TGM5: variants seen among roughly 807,000 people sequenced by gnomAD.
TGM5 encodes protein-glutamine gamma-glutamyltransferase 5.
TGM5 carries 69 observed loss-of-function variants against 77.2 expected under a neutral mutation model. That is an observed-to-expected ratio of 0.89 (90% confidence interval 0.74 to 1.09). TGM5 has a LOEUF of 1.09. Ranked by LOEUF, TGM5 falls within the 50% of genes least tolerant of loss-of-function variation. The probability of loss-of-function intolerance (pLI) is 0.00; values close to 1 mark genes in which losing one functional copy is unlikely to be tolerated. For missense variants in TGM5, 842 were observed against 896.5 expected (o/e 0.94, Z 0.78); for synonymous variants, 346 against 351.8 (o/e 0.98, Z 0.18).
intron 10 of TGM5, 135 bp downstream of exon 10, chr15:43,235,334 G>T: frequency 8.5e-7 from 1 of 1,172,268 alleles, no homozygotes; most frequent in Non-Finnish European, 1.2e-6. Flanking sequence ...AAGAGGGAAG[G>T]AGGGGAATCG....
chr15:43,265,676 T>A (rs1490694887), intron 1 of TGM5, among the ~76,000 whole-genome samples: 1 of 152,226 alleles, frequency 6.6e-6, no homozygotes, highest in Non-Finnish European at 1.5e-5. Context: ...AAAGAACTTT[T>A]AAAGTAAGTG....
In TGM5 at chr15:43,238,846, T is replaced by G; in HGVS notation, c.1316A>C (p.Asp439Ala). The change falls in exon 9 of 13, where the codon GAC (aspartate) becomes GCC (alanine). Residue 439 changes from aspartate (D) to alanine (A), a missense_variant. Asp to Ala is a moderately radical substitution (Grantham distance 126). Transcript: ENST00000220420. ...TTCATACTTGTAGTTCTCTGTGATG[T>G]CATCCCGCTCGTCACTCTGGATGCT... ...TKSIQSDERD[D>A]ITENYKYEEG... The G allele has an allele frequency of 6.2e-7, 1 of 1,614,174 alleles. No homozygotes were observed. The highest frequency in any genetic ancestry group is 8.5e-7 in the Non-Finnish European group (1 of 1,180,024).
intron 3 of TGM5, among the ~76,000 whole-genome samples, chr15:43,257,438 A>G (rs146217339): frequency 9.2e-5 from 14 of 152,362 alleles, no homozygotes; most frequent in Admixed American, 2.6e-4. Context: ...GCCCATATGA[A>G]CAGAGGGTTT....
chr15:43,261,087 T>TTTTTTTG (rs2042785566), intron 1 of TGM5, among the ~76,000 whole-genome samples: 1 of 119,450 alleles, frequency 8.4e-6, no homozygotes, highest in African/African-American at 3.5e-5. Flanking sequence ...TTTTTTTTTT[T>TTTTTTTG]TTTTTTTTTT....
At position 43,260,159 on chromosome 15, in the gene TGM5, G is replaced by A. The variant is rs776412511; in HGVS notation, c.329C>T (p.Ala110Val). 4.3e-6 allele frequency: 7 copies of A among 1,614,134 alleles called. No homozygotes were observed. Among genetic ancestry groups the A allele is most frequent in the South Asian group, 3.3e-5 (3 of 91,088 alleles). Residue 110 changes from alanine to valine, a missense_variant, in exon 3 of 13, where the codon GCG (alanine) becomes GTG (valine). Transcript: ENST00000220420. ...TTTCAAGAGGTACCGACCCACGGCC[G>A]CCGTGGGAGGAGCGCACAAGCTCAC... The part of the protein sequence containing the change: ...TEVSLCAPPT[A>V]AVGRYLLKIH...
chr15:43,248,343 T>G (rs1220505563), intron 6 of TGM5, among the ~76,000 whole-genome samples: 1 of 152,156 alleles, frequency 6.6e-6, no homozygotes, highest in African/African-American at 2.4e-5. Context: ...CAGCTAATTT[T>G]TTGTATTTTT....
intron 6 of TGM5, among the ~76,000 whole-genome samples, chr15:43,249,994 C>T (rs536183996): frequency 7.9e-5 from 12 of 152,246 alleles, no homozygotes; most frequent in African/African-American, 2.9e-4. Context: ...AATGATATAT[C>T]GACTTTGCAG....
At chr15:43,237,163 C>T (rs537639992) in intron 9 of TGM5, among the ~76,000 whole-genome samples, 62 of 152,190 alleles carry the variant, frequency 4.1e-4, no homozygotes, top group African/African-American at 1.4e-3. Flanking sequence ...CAGGGGACCC[C>T]GTGGGCCTCT....
At chr15:43,258,776 C>T (rs2042762245) in intron 3 of TGM5, among the ~76,000 whole-genome samples, 1 of 152,188 alleles carries the variant, frequency 6.6e-6, no homozygotes, top group South Asian at 2.1e-4. Context: ...GTTGGGTCTC[C>T]CGGGGCCTGG....
At chr15:43,249,039 GCCCACA>G (rs1470219924) in intron 6 of TGM5, among the ~76,000 whole-genome samples, 3 of 152,012 alleles carry the variant, frequency 2.0e-5, no homozygotes, top group Non-Finnish European at 2.9e-5. Flanking sequence ...GCCTCCCATC[GCCCACA>G]CCCTTTCCTA....
At position 43,233,510 on chromosome 15, in the gene TGM5, CAG is replaced by C. The variant is rs1491529404; in HGVS notation, c.2009+42_2009+43del. On this transcript the variant is annotated intron_variant, in intron 12 of 12. Coordinates refer to ENST00000220420, the MANE Select transcript of TGM5 (RefSeq NM_201631.4). ...TGTTCAGGAAGGATAGTGCTAATCT[CAG>C]GGGGGAAAAACAGGAGAAGGCTGAG... 1.9e-5 allele frequency: 30 copies of C among 1,613,844 alleles called. No individual in the cohort carries two copies. The African/African-American group carries it at 3.3e-4, about 18-fold the overall frequency.
At chr15:43,256,271 G>T (rs768390962) in intron 4 of TGM5, among the ~76,000 whole-genome samples, 1 of 152,224 alleles carries the variant, frequency 6.6e-6, no homozygotes, top group East Asian at 1.9e-4. Flanking sequence ...CATCACTGCT[G>T]TGATGGTTGC....
rs1000465044 is a variant in TGM5, at chr15:43,266,740, T to A, written c.10+100A>T. On this transcript the variant is annotated intron_variant, in intron 1 of 12. Transcript: ENST00000220420. ...TTCCTGCCTCAGTTCTGTATTTACT[T>A]CTTTATTTCTCTGAATCCACCCTCC... 7 of 1,475,558 alleles carry A rather than the reference T, an allele frequency of 4.7e-6. No individual in the cohort carries two copies. In the Admixed American group the frequency reaches 6.7e-5, roughly 14 times the overall value. 91.4% of individuals were successfully genotyped at this position (1,475,558 alleles called of 1,614,324 possible). A position where few individuals can be genotyped will look rare whatever the true frequency, so the allele number is the denominator to read the frequency against.
Position 43,246,612 on chromosome 15 carries a change from T to C in TGM5, c.863-5622A>G, listed in dbSNP as rs558347402. On this transcript the variant is annotated intron_variant, in intron 6 of 12. Coordinates refer to ENST00000220420, the MANE Select transcript of TGM5 (RefSeq NM_201631.4). The stretch of plus-strand genomic sequence containing the variant: ...GGGAAGCCCAGAAAGAACTCAGCAG[T>C]CTTAACAAGTTAACGAGATGAGATC... 3.9e-5 allele frequency among the ~76,000 whole-genome samples: 6 copies of C among 152,254 alleles called. 1 individual carries two copies. The highest frequency in any genetic ancestry group is 1.2e-4 in the African/African-American group (5 of 41,554).
chr15:43,243,672 C>G (rs1307298362), intron 6 of TGM5, among the ~76,000 whole-genome samples: 2 of 152,208 alleles, frequency 1.3e-5, no homozygotes, highest in Non-Finnish European at 2.9e-5. Flanking sequence ...ACAAAGAGCT[C>G]ATCCCGACTA....
intron 1 of TGM5, among the ~76,000 whole-genome samples, chr15:43,261,795 A>G (rs1300692634): frequency 6.6e-6 from 1 of 152,016 alleles, no homozygotes; most frequent in African/African-American, 2.4e-5. Context: ...AGTCACCATA[A>G]TGGCCTCCAT....
intron 6 of TGM5, among the ~76,000 whole-genome samples, chr15:43,248,070 G>A (rs1171261345): frequency 3.3e-5 from 5 of 152,184 alleles, no homozygotes; most frequent in Admixed American, 1.3e-4. Flanking sequence ...GCCATGAAAT[G>A]AGGAATATAG....
chr15:43,253,703 C>T (rs1446747840), intron 4 of TGM5, 69 bp from the exon 5 acceptor site: 2 of 1,590,092 alleles, frequency 1.3e-6, no homozygotes, highest in Non-Finnish European at 1.7e-6. Context: ...AAAGTAATGA[C>T]TTCCCCCCAA....
At chr15:43,238,065 G>A (rs981348379) in intron 9 of TGM5, among the ~76,000 whole-genome samples, 6 of 152,070 alleles carry the variant, frequency 3.9e-5, no homozygotes, top group African/African-American at 1.2e-4. Flanking sequence ...GCCTCCCTGC[G>A]TCTGTCCCCG....
Sources: allele counts gnomAD v4.1 joint callset (sites outside exome capture counted in the v4.1 genomes callset), GRCh38; gene constraint gnomAD v4.1.1; transcripts MANE v1.5; gene names NCBI Gene and HGNC (gene_info 2026-07-23, HGNC 2026-07-21).